The following PCDH9 variants were observed in gnomAD, a reference collection of about 807,000 sequenced individuals.
PCDH9 encodes the protein protocadherin-9.
Under a neutral mutation model 70.6 loss-of-function variants are expected in PCDH9, and 24 were observed. The observed-to-expected ratio is 0.34, with a 90% confidence interval of 0.25 to 0.48. The LOEUF (loss-of-function observed/expected upper bound fraction) is 0.48, where lower values mean the gene tolerates loss of function less well. Ranked by LOEUF, PCDH9 falls within the 20% of genes least tolerant of loss-of-function variation. PCDH9 has a pLI of 0.99. For missense variants in PCDH9, 1,281 were observed against 1,503.6 expected (o/e 0.85, Z 2.45); for synonymous variants, 562 against 558.5 (o/e 1.01, Z -0.09).
intron 2 of PCDH9, among the ~76,000 whole-genome samples, chr13:67,106,367 G>A (rs529149871): frequency 3.2e-4 from 49 of 152,274 alleles, no homozygotes; most frequent in African/African-American, 1.1e-3. Context: ...ATAAATGTAA[G>A]ATATTCAAGG....
At chr13:66,602,694 T>C (rs1452233087) in intron 4 of PCDH9, among the ~76,000 whole-genome samples, 1 of 145,592 alleles carries the variant, frequency 6.9e-6, no homozygotes, top group Non-Finnish European at 1.5e-5. Context: ...GCGGCCTAAG[T>C]GTATATTCTT....
chr13:66,347,908 G>A (rs189028104), intron 4 of PCDH9, among the ~76,000 whole-genome samples: 11 of 152,158 alleles, frequency 7.2e-5, no homozygotes, highest in African/African-American at 1.4e-4. Flanking sequence ...ACCTCCACTC[G>A]AGCTGCTATT....
rs908642180 is a variant in PCDH9, at chr13:67,062,700, C to A, written c.3037-159095G>T. On this transcript the variant is annotated intron_variant, in intron 2 of 4. Coordinates refer to ENST00000377865, the MANE Select transcript of PCDH9 (RefSeq NM_203487.3). ...CAGATATATTTCATACAGCAATCTA[C>A]GGAATTATAAAAGTATTCTGAAGTC... Among the ~76,000 whole-genome samples the A allele has an allele frequency of 2.0e-5, 3 of 152,008 alleles. No individual in the cohort carries two copies. The South Asian group carries it at 6.2e-4, about 31-fold the overall frequency.
rs779681251 is a variant in PCDH9 at position 67,000,370 on chromosome 13, C to T, written c.3037-96765G>A. Among the ~76,000 whole-genome samples, 100 of 150,830 alleles carry T rather than the reference C, an allele frequency of 6.6e-4. 1 individual carries two copies. In the Middle Eastern group the frequency reaches 0.028, roughly 42 times the overall value. ...GGGGGAGGGATAGCACTAGGAGATA[C>T]ACCTAATGCTAAATGACGAGTTAAT... On this transcript the variant is annotated intron_variant, in intron 2 of 4. Coordinates refer to ENST00000377865, the MANE Select transcript of PCDH9 (RefSeq NM_203487.3).
At chr13:66,754,450 G>GGT (rs1156693870) in intron 3 of PCDH9, among the ~76,000 whole-genome samples, 92 of 151,342 alleles carry the variant, frequency 6.1e-4, no homozygotes, top group Middle Eastern at 6.8e-3. Flanking sequence ...AAAAGAGGGA[G>GGT]GTGTGTGTGT....
chr13:67,114,283 T>C (rs536895626), intron 2 of PCDH9, among the ~76,000 whole-genome samples: 1 of 152,328 alleles, frequency 6.6e-6, no homozygotes, highest in Non-Finnish European at 1.5e-5. Flanking sequence ...TATCTGTTTA[T>C]ATAATATATG....
intron 3 of PCDH9, among the ~76,000 whole-genome samples, chr13:66,675,772 GA>G (rs1178584140): frequency 6.6e-6 from 1 of 152,018 alleles, no homozygotes; most frequent in East Asian, 1.9e-4. Flanking sequence ...TCTTTCTTCA[GA>G]ATGGTAAGAA....
chr13:67,192,013 A>C (rs1167451091), intron 2 of PCDH9, among the ~76,000 whole-genome samples: 1 of 152,134 alleles, frequency 6.6e-6, no homozygotes. Flanking sequence ...CAGAAAAAAA[A>C]AAACATGTTG....
chr13:66,848,692 G>A (rs2081255262), intron 3 of PCDH9, among the ~76,000 whole-genome samples: 1 of 152,020 alleles, frequency 6.6e-6, no homozygotes, highest in Admixed American at 6.6e-5. Context: ...ACTCTGGGAG[G>A]CTGAGGCGGG....
intron 3 of PCDH9, among the ~76,000 whole-genome samples, chr13:66,853,802 TG>T (rs1354864293): frequency 1.3e-5 from 2 of 151,998 alleles, no homozygotes; most frequent in African/African-American, 4.8e-5. Flanking sequence ...CTTGAACTCC[TG>T]GGCTCAAGCA....
rs144872864 is a variant in PCDH9, at chr13:66,457,945, G to A, written c.3341-152917C>T. Among the ~76,000 whole-genome samples the A allele has an allele frequency of 2.9e-4, 44 of 152,024 alleles. No individual in the cohort carries two copies. The East Asian group carries it at 7.4e-3, about 25-fold the overall frequency. On this transcript the variant is annotated intron_variant, in intron 4 of 4. Transcript: ENST00000377865. Reference sequence around the variant, plus strand: ...CATTCATCCTGCTCTCAGGTTTGCTGTCTGTTGTTTTTAAGTTTTGTGTGT... The same window carrying A: ...CATTCATCCTGCTCTCAGGTTTGCTATCTGTTGTTTTTAAGTTTTGTGTGT...
At position 67,002,750 on chromosome 13, in the gene PCDH9, AC is replaced by A. The variant is rs1213959259; in HGVS notation, c.3037-99146del. Reference sequence around the variant, plus strand: ...TTTTTTCCTGTAAATTTGCCATCCAACTCTACTTTTAATTAACAGTTTTATT... The same window carrying A: ...TTTTTTCCTGTAAATTTGCCATCCAATCTACTTTTAATTAACAGTTTTATT... On this transcript the variant is annotated intron_variant, in intron 2 of 4. Coordinates refer to ENST00000377865, the MANE Select transcript of PCDH9 (RefSeq NM_203487.3). 2.0e-5 allele frequency among the ~76,000 whole-genome samples: 3 copies of A among 152,074 alleles called. No homozygotes were observed. In the East Asian group the frequency reaches 5.8e-4, roughly 29 times the overall value.
At chr13:67,016,122 C>G (rs150339847) in intron 2 of PCDH9, among the ~76,000 whole-genome samples, 7 of 152,180 alleles carry the variant, frequency 4.6e-5, no homozygotes, top group African/African-American at 1.7e-4. Flanking sequence ...AAAGTTAGAG[C>G]CTGCCTTAGC....
At chr13:66,541,461 G>A (rs1011904643) in intron 4 of PCDH9, among the ~76,000 whole-genome samples, 10 of 152,086 alleles carry the variant, frequency 6.6e-5, no homozygotes, top group African/African-American at 1.7e-4. Context: ...GAAGATATTC[G>A]CTCTGAAGGC....
intron 4 of PCDH9, among the ~76,000 whole-genome samples, chr13:66,568,437 GCA>G (rs372205371): frequency 2.8e-5 from 4 of 145,090 alleles, no homozygotes; most frequent in African/African-American, 5.1e-5. Context: ...ACACGCACAC[GCA>G]CACACACACA....
At chr13:67,082,030 A>G (rs886757539) in intron 2 of PCDH9, among the ~76,000 whole-genome samples, 2 of 152,188 alleles carry the variant, frequency 1.3e-5, no homozygotes, top group Non-Finnish European at 2.9e-5. Context: ...TCTATGCCAT[A>G]AGCACTGCCG....
intron 3 of PCDH9, among the ~76,000 whole-genome samples, chr13:66,705,259 A>G (rs1014060706): frequency 7.2e-5 from 11 of 152,322 alleles, no homozygotes; most frequent in Non-Finnish European, 1.5e-4. Flanking sequence ...CATTTTCTAA[A>G]ATGAAGAACA....
At chr13:66,969,748 C>T (rs192091817) in intron 2 of PCDH9, among the ~76,000 whole-genome samples, 278 of 152,006 alleles carry the variant, frequency 1.8e-3, no homozygotes, top group African/African-American at 6.2e-3. Context: ...CACAGATATA[C>T]ACAGACTCAA....
intron 3 of PCDH9, among the ~76,000 whole-genome samples, chr13:66,897,130 A>G (rs2082194693): frequency 6.6e-6 from 1 of 152,086 alleles, no homozygotes; most frequent in Admixed American, 6.6e-5. Context: ...ACAAAGAACC[A>G]TGTTTGTATA....
Sources: allele counts gnomAD v4.1 joint callset (sites outside exome capture counted in the v4.1 genomes callset), GRCh38; gene constraint gnomAD v4.1.1; transcripts MANE v1.5; gene names NCBI Gene and HGNC (gene_info 2026-07-23, HGNC 2026-07-21).